Variants in OSBPL1A observed in about 807,000 individuals in gnomAD.
OSBPL1A encodes oxysterol binding protein like 1A, also known as oxysterol-binding protein-related protein 1.
Under a neutral mutation model 137.1 loss-of-function variants are expected in OSBPL1A, and 80 were observed. The ratio of observed to expected loss-of-function variants is 0.58; its 90% CI spans 0.49 to 0.70. The LOEUF is 0.70. Ranked by LOEUF, OSBPL1A falls within the 30% of genes least tolerant of loss-of-function variation. OSBPL1A has a pLI of 0.00. For missense variants in OSBPL1A, 970 were observed against 1,129.4 expected, an observed-to-expected ratio of 0.86 and a Z score of 2.02; for synonymous variants, 365 against 389.7, an observed-to-expected ratio of 0.94 and a Z score of 0.75.
intron 15 of OSBPL1A, among the ~76,000 whole-genome samples, chr18:24,262,892 T>C (rs775167418): frequency 9.9e-5 from 15 of 152,184 alleles, no homozygotes; most frequent in Non-Finnish European, 2.1e-4. Context: ...TGTGTACTCT[T>C]TTGTATCTAG....
chr18:24,348,321 C>T (rs1038950908), intron 4 of OSBPL1A, among the ~76,000 whole-genome samples: 1 of 152,156 alleles, frequency 6.6e-6, no homozygotes, highest in Non-Finnish European at 1.5e-5. Context: ...ATTTAATTAA[C>T]ATTTACTTGT....
At chr18:24,305,994 T>G (rs1461570690) in intron 13 of OSBPL1A, among the ~76,000 whole-genome samples, 1 of 152,236 alleles carries the variant, frequency 6.6e-6, no homozygotes, top group African/African-American at 2.4e-5. Context: ...GTCTGGGGTA[T>G]GTCTTTATTA....
At chr18:24,368,174 A>G (rs1437055347) in intron 3 of OSBPL1A, 113 bp downstream of exon 3, 3 of 645,238 alleles carry the variant, frequency 4.6e-6, no homozygotes, top group Non-Finnish European at 8.0e-6. Context: ...ATGATGAACT[A>G]TTGCTTTAAA....
chr18:24,222,563 G>A (rs531367731), intron 17 of OSBPL1A, among the ~76,000 whole-genome samples: 20 of 152,064 alleles, frequency 1.3e-4, no homozygotes, highest in Non-Finnish European at 4.4e-5. Context: ...ACACTACGGT[G>A]TCCACTAATT....
intron 14 of OSBPL1A, among the ~76,000 whole-genome samples, chr18:24,282,455 T>C (rs1293634061): frequency 3.3e-5 from 5 of 152,174 alleles, no homozygotes; most frequent in Admixed American, 6.5e-5. Context: ...TCCAGTACCA[T>C]TGAGTATATG....
chr18:24,390,194 A>T (rs1047222840), intron 1 of OSBPL1A, among the ~76,000 whole-genome samples: 1 of 152,198 alleles, frequency 6.6e-6, no homozygotes, highest in South Asian at 2.1e-4. Context: ...AACATCAGAG[A>T]AGTATGGGGG....
At chr18:24,167,467 C>T in intron 24 of OSBPL1A, 22 bp from the exon 25 acceptor site, 3 of 1,595,760 alleles carry the variant, frequency 1.9e-6, no homozygotes, top group Non-Finnish European at 2.6e-6. Context: ...AATCAATGAA[C>T]AAAATTTAAG....
chr18:24,175,744 G>A (rs1201882076), intron 21 of OSBPL1A, among the ~76,000 whole-genome samples: 2 of 151,988 alleles, frequency 1.3e-5, no homozygotes, highest in Admixed American at 1.3e-4. Context: ...TTTCTCCTAT[G>A]TTTTCTTCCA....
rs150595811 is a variant in OSBPL1A at position 24,368,957 on chromosome 18, C to G, written c.122-585G>C. On this transcript the variant is annotated intron_variant, in intron 2 of 27. Transcript: ENST00000319481. The stretch of plus-strand genomic sequence containing the variant: ...GGGCGGATTTCCCTCTTGCTATTCT[C>G]GTGACAGTGAGTGAGTTCTCAGGAA... 6.6e-5 allele frequency among the ~76,000 whole-genome samples: 10 copies of G among 152,260 alleles called. No individual in the cohort carries two copies. In the South Asian group the frequency reaches 1.4e-3, roughly 22 times the overall value.
intron 13 of OSBPL1A, among the ~76,000 whole-genome samples, chr18:24,305,205 T>C (rs1435313324): frequency 1.3e-5 from 2 of 152,256 alleles, no homozygotes; most frequent in Non-Finnish European, 2.9e-5. Context: ...TATGAATCTG[T>C]AATAAACAGG....
At chr18:24,349,447 A>T (rs59677541) in intron 4 of OSBPL1A, among the ~76,000 whole-genome samples, 5,853 of 152,320 alleles carry the variant, frequency 0.038, 378 homozygotes, top group African/African-American at 0.13. Flanking sequence ...AAAAAGTTAA[A>T]ATTCTTAACC....
At chr18:24,386,719 G>A (rs1397070932) in intron 1 of OSBPL1A, among the ~76,000 whole-genome samples, 5 of 152,148 alleles carry the variant, frequency 3.3e-5, no homozygotes, top group African/African-American at 1.2e-4. Context: ...CAGCACTTTG[G>A]GAGGCCAAGC....
chr18:24,239,921 T>TCC (rs1555635807), intron 15 of OSBPL1A, among the ~76,000 whole-genome samples: 1 of 98,680 alleles, frequency 1.0e-5, no homozygotes, highest in African/African-American at 3.9e-5. Flanking sequence ...TTTTTCATTT[T>TCC]TCTCTTTTTT....
intron 17 of OSBPL1A, among the ~76,000 whole-genome samples, chr18:24,214,199 T>A (rs1213578330): frequency 6.6e-6 from 1 of 152,172 alleles, no homozygotes; most frequent in African/African-American, 2.4e-5. Context: ...TGTAAAGTCA[T>A]TGAAATTAAG....
chr18:24,389,332 G>A (rs1004174049), intron 1 of OSBPL1A, among the ~76,000 whole-genome samples: 1 of 152,044 alleles, frequency 6.6e-6, no homozygotes, highest in Non-Finnish European at 1.5e-5. Flanking sequence ...TTTGCCTTAT[G>A]TTTTCTCTCC....
chr18:24,319,866 C>A (rs1472408909), intron 7 of OSBPL1A, among the ~76,000 whole-genome samples: 2 of 151,500 alleles, frequency 1.3e-5, no homozygotes, highest in Admixed American at 1.3e-4. Context: ...CCTTTTAGGC[C>A]AGGCGCAGTG....
chr18:24,163,129 G>C lies in OSBPL1A; in HGVS notation c.*50C>G. ...CAAGGGAAAAAAATTTAAAAACATA[G>C]GTTTAAGACTTATTTGTAGATTAGC... On this transcript the variant is annotated 3_prime_UTR_variant, in exon 28 of 28. Coordinates refer to ENST00000319481, the MANE Select transcript of OSBPL1A (RefSeq NM_080597.4). 2 of 1,387,612 alleles carry C rather than the reference G, an allele frequency of 1.4e-6. No individual in the cohort carries two copies. The highest frequency in any genetic ancestry group is 1.8e-4 in the Middle Eastern group (1 of 5,498). The allele number at this position is 1,387,612 out of a possible 1,614,324, so 86.0% of individuals were successfully genotyped here.
intron 4 of OSBPL1A, among the ~76,000 whole-genome samples, chr18:24,350,965 G>A (rs1277290782): frequency 6.6e-6 from 1 of 152,080 alleles, no homozygotes; most frequent in Non-Finnish European, 1.5e-5. Context: ...GTGGTGAAGA[G>A]AATTCCCAGA....
chr18:24,303,537 C>G, intron 14 of OSBPL1A, 100 bp downstream of exon 14: 1 of 983,938 alleles, frequency 1.0e-6, no homozygotes, highest in Non-Finnish European at 1.5e-6. Context: ...ACTCTTAATT[C>G]AAAACCAAAA....
Sources: allele counts gnomAD v4.1 joint callset (sites outside exome capture counted in the v4.1 genomes callset), GRCh38; gene constraint gnomAD v4.1.1; transcripts MANE v1.5; gene names NCBI Gene and HGNC (gene_info 2026-07-23, HGNC 2026-07-21).